The following GPR39 variants were observed in gnomAD, a reference collection of about 807,000 sequenced individuals.
GPR39 encodes the protein zinc sensing receptor.
A neutral mutation model predicts 18.4 loss-of-function variants in GPR39; 23 were observed. The observed-to-expected ratio is 1.25, with a 90% confidence interval of 0.90 to 1.77. The LOEUF is 1.77. Ranked by LOEUF, GPR39 falls within the 40% of genes most tolerant of loss-of-function variation. GPR39 has a pLI of 0.00. For synonymous variants in GPR39, 280 were observed against 257.9 expected, an observed-to-expected ratio of 1.09 and a Z score of -0.82; for missense variants, 647 against 602.4, an observed-to-expected ratio of 1.07 and a Z score of -0.78.
chr2:132,554,163 T>C (rs1217012335), intron 1 of GPR39, among the ~76,000 whole-genome samples: 1 of 152,146 alleles, frequency 6.6e-6, no homozygotes, highest in Non-Finnish European at 1.5e-5. Flanking sequence ...TCAGTAGACA[T>C]GGAAAACTGG....
At chr2:132,526,843 T>C (rs1385558003) in intron 1 of GPR39, among the ~76,000 whole-genome samples, 1 of 152,272 alleles carries the variant, frequency 6.6e-6, no homozygotes, top group Non-Finnish European at 1.5e-5. Context: ...AAATGTACTT[T>C]ATGCTTTAAC....
intron 1 of GPR39, among the ~76,000 whole-genome samples, chr2:132,567,245 C>T (rs1680364851): frequency 6.6e-6 from 1 of 152,134 alleles, no homozygotes. Flanking sequence ...TCGCTTGAAC[C>T]CGGGAGGTGG....
chr2:132,436,755 C>T (rs1005359084), intron 1 of GPR39, among the ~76,000 whole-genome samples: 1 of 152,276 alleles, frequency 6.6e-6, no homozygotes, highest in South Asian at 2.1e-4. Context: ...GAGGCTGGTG[C>T]TGGCTTGGTG....
intron 1 of GPR39, among the ~76,000 whole-genome samples, chr2:132,499,933 G>A (rs1418598275): frequency 2.0e-5 from 3 of 152,148 alleles, no homozygotes; most frequent in Non-Finnish European, 2.9e-5. Context: ...CATTAATTTT[G>A]TATCCTGAAA....
intron 1 of GPR39, among the ~76,000 whole-genome samples, chr2:132,551,364 T>C (rs982967772): frequency 7.9e-5 from 12 of 152,056 alleles, no homozygotes; most frequent in African/African-American, 2.9e-4. Flanking sequence ...TGCAAAGAAG[T>C]TGAAAAAAGG....
intron 1 of GPR39, among the ~76,000 whole-genome samples, chr2:132,561,040 A>C (rs899251237): frequency 1.3e-5 from 2 of 150,944 alleles, no homozygotes; most frequent in Non-Finnish European, 2.9e-5. Context: ...CTGCTTCCCG[A>C]GTAGCTGGGA....
intron 1 of GPR39, among the ~76,000 whole-genome samples, chr2:132,510,788 G>A (rs1379940165): frequency 2.6e-5 from 4 of 152,326 alleles, no homozygotes; most frequent in Non-Finnish European, 4.4e-5. Flanking sequence ...TGAATGAGGA[G>A]TGTAATTGTG....
At chr2:132,591,268 A>AC (rs1299035105) in intron 1 of GPR39, among the ~76,000 whole-genome samples, 1 of 121,886 alleles carries the variant, frequency 8.2e-6, no homozygotes, top group Non-Finnish European at 1.6e-5. Flanking sequence ...AAAAAAAAAA[A>AC]AAAAAAAAAC....
At chr2:132,479,048 C>G (rs1245115478) in intron 1 of GPR39, among the ~76,000 whole-genome samples, 2 of 152,096 alleles carry the variant, frequency 1.3e-5, no homozygotes, top group African/African-American at 2.4e-5. Flanking sequence ...CTCCCCCTTC[C>G]CAGCACACAA....
intron 1 of GPR39, among the ~76,000 whole-genome samples, chr2:132,542,679 G>A (rs1250811920): frequency 2.7e-5 from 4 of 146,128 alleles, no homozygotes; most frequent in Admixed American, 1.3e-4. Flanking sequence ...TTCACATCCT[G>A]CGTAGCCATT....
intron 1 of GPR39, among the ~76,000 whole-genome samples, chr2:132,461,317 C>T (rs1198688082): frequency 6.6e-6 from 1 of 152,206 alleles, no homozygotes; most frequent in African/African-American, 2.4e-5. Flanking sequence ...TGTGTTACCA[C>T]CGGCAGTTTT....
chr2:132,451,062 G>T (rs746919001), intron 1 of GPR39, among the ~76,000 whole-genome samples: 5 of 152,136 alleles, frequency 3.3e-5, no homozygotes, highest in Non-Finnish European at 1.5e-5. Flanking sequence ...AAATGCTCTG[G>T]GAAGAGGTAG....
chr2:132,509,847 C>T (rs1023580036), intron 1 of GPR39, among the ~76,000 whole-genome samples: 1 of 152,120 alleles, frequency 6.6e-6, no homozygotes, highest in Non-Finnish European at 1.5e-5. Flanking sequence ...CACCTGTCTG[C>T]AAGCATCTGC....
At position 132,645,321 on chromosome 2, in the gene GPR39, G is replaced by C; in HGVS notation, c.1077G>C (p.Leu359=). ...TTCGGCGGGTGTTCGTGCAGGTGCT[G>C]TGCTGCCGCCTGTCGCTGCAGCACG... The part of the protein sequence containing the change: ...QQFRRVFVQV[L]CCRLSLQHAN... Residue 359 remains leucine (L), a synonymous_variant, in exon 2 of 2, where the codon CTG becomes CTC. Coordinates refer to ENST00000329321, the MANE Select transcript of GPR39 (RefSeq NM_001508.3). 2 of 1,614,190 alleles carry C rather than the reference G, an allele frequency of 1.2e-6. No individual in the cohort carries two copies. Among genetic ancestry groups the C allele is most frequent in the Admixed American group, 1.7e-5 (1 of 60,030 alleles).
chr2:132,522,732 C>T (rs1679447374), intron 1 of GPR39, among the ~76,000 whole-genome samples: 1 of 152,154 alleles, frequency 6.6e-6, no homozygotes, highest in Non-Finnish European at 1.5e-5. Context: ...GTAGAAGCTG[C>T]CATGTATTTA....
chr2:132,451,174 T>TGTGC (rs3219552), intron 1 of GPR39, among the ~76,000 whole-genome samples: 362 of 150,452 alleles, frequency 2.4e-3, no homozygotes, highest in Middle Eastern at 0.014. Flanking sequence ...TGTGTGTGTG[T>TGTGC]GCACGCGCGT....
At chr2:132,466,898 T>C (rs1264624936) in intron 1 of GPR39, among the ~76,000 whole-genome samples, 1 of 152,108 alleles carries the variant, frequency 6.6e-6, no homozygotes, top group African/African-American at 2.4e-5. Context: ...ATGCAGGAGC[T>C]CTCCCTCCCA....
chr2:132,454,148 T>C (rs1223758901), intron 1 of GPR39, among the ~76,000 whole-genome samples: 1 of 152,230 alleles, frequency 6.6e-6, no homozygotes, highest in African/African-American at 2.4e-5. Context: ...GTGTCCTCTT[T>C]TATTTTGTTG....
intron 1 of GPR39, among the ~76,000 whole-genome samples, chr2:132,564,554 C>T (rs1432227488): frequency 6.6e-6 from 1 of 152,112 alleles, no homozygotes; most frequent in African/African-American, 2.4e-5. Flanking sequence ...TGTTTTCTCA[C>T]CCCTTCCTCT....
Sources: allele counts gnomAD v4.1 joint callset (sites outside exome capture counted in the v4.1 genomes callset), GRCh38; gene constraint gnomAD v4.1.1; transcripts MANE v1.5; gene names NCBI Gene and HGNC (gene_info 2026-07-23, HGNC 2026-07-21).